CLASP1: variants seen among roughly 807,000 people sequenced by gnomAD.
CLASP1 encodes CLIP-associating protein 1.
CLASP1 carries 38 observed loss-of-function variants against 192.3 expected under a neutral mutation model. The ratio of observed to expected loss-of-function variants is 0.20; its 90% confidence interval spans 0.15 to 0.26. The LOEUF (loss-of-function observed/expected upper bound fraction) is 0.26. Ranked by LOEUF, CLASP1 falls within the 10% of genes least tolerant of loss-of-function variation. CLASP1 has a pLI of 1.00. For missense variants in CLASP1, 1,433 were observed against 1,932.5 expected, an observed-to-expected ratio of 0.74 and a Z score of 4.85; for synonymous variants, 691 against 712.8, an observed-to-expected ratio of 0.97 and a Z score of 0.49.
At chr2:121,505,832 T>C (rs547191288) in intron 7 of CLASP1, among the ~76,000 whole-genome samples, 2 of 152,234 alleles carry the variant, frequency 1.3e-5, no homozygotes, top group African/African-American at 4.8e-5. Flanking sequence ...TAAGATTTAG[T>C]TCAAATTAGT....
chr2:121,559,968 A>G (rs1033194674), intron 2 of CLASP1, among the ~76,000 whole-genome samples: 4 of 152,208 alleles, frequency 2.6e-5, no homozygotes, highest in African/African-American at 9.6e-5. Context: ...AAAAGACATT[A>G]GTGGAAACAC....
intron 3 of CLASP1, among the ~76,000 whole-genome samples, chr2:121,529,512 A>G (rs961857446): frequency 5.3e-5 from 8 of 152,242 alleles, no homozygotes; most frequent in Admixed American, 2.6e-4. Context: ...TTAACAGTAA[A>G]GAATACATGT....
intron 1 of CLASP1, among the ~76,000 whole-genome samples, chr2:121,624,159 T>TA (rs1479586870): frequency 6.6e-6 from 1 of 152,202 alleles, no homozygotes; most frequent in East Asian, 1.9e-4. Context: ...ATTTTATTTA[T>TA]TATATTCCTT....
At chr2:121,487,554 G>C (rs563228047) in intron 8 of CLASP1, among the ~76,000 whole-genome samples, 4 of 152,248 alleles carry the variant, frequency 2.6e-5, no homozygotes, top group African/African-American at 9.6e-5. Context: ...GGTTGTGACA[G>C]TTTCTCAGAC....
intron 8 of CLASP1, among the ~76,000 whole-genome samples, chr2:121,489,859 T>C (rs1308985401): frequency 6.6e-6 from 1 of 152,232 alleles, no homozygotes; most frequent in Non-Finnish European, 1.5e-5. Flanking sequence ...TTTTCCTCTA[T>C]ACCTACTGGG....
At chr2:121,487,156 C>G (rs1014865651) in intron 8 of CLASP1, among the ~76,000 whole-genome samples, 19 of 152,152 alleles carry the variant, frequency 1.2e-4, no homozygotes, top group African/African-American at 4.3e-4. Context: ...TCCCCACCCA[C>G]TGCCCTAAAT....
chr2:121,483,351 A>C (rs2092730866), intron 8 of CLASP1, among the ~76,000 whole-genome samples: 1 of 152,174 alleles, frequency 6.6e-6, no homozygotes, highest in Admixed American at 6.5e-5. Context: ...GAAAAGAATT[A>C]ACCATTGTAG....
chr2:121,504,468 A>G (rs1356081834), intron 7 of CLASP1, among the ~76,000 whole-genome samples: 1 of 152,200 alleles, frequency 6.6e-6, no homozygotes, highest in Non-Finnish European at 1.5e-5. Context: ...TATTTGTACC[A>G]AACACTATGT....
chr2:121,373,283 C>G (rs893813543), intron 34 of CLASP1, among the ~76,000 whole-genome samples: 8 of 152,176 alleles, frequency 5.3e-5, no homozygotes, highest in African/African-American at 9.7e-5. Flanking sequence ...GCCTTTCTGC[C>G]ATGATTGTAA....
chr2:121,528,937 T>C (rs1182767184), intron 3 of CLASP1, among the ~76,000 whole-genome samples, 157 bp from the exon 4 acceptor site: 1 of 152,228 alleles, frequency 6.6e-6, no homozygotes, highest in African/African-American at 2.4e-5. Context: ...TCTACTCTCC[T>C]TGCTGAAGTC....
intron 1 of CLASP1, among the ~76,000 whole-genome samples, chr2:121,625,312 C>A (rs2068099415): frequency 6.6e-6 from 1 of 151,348 alleles, no homozygotes; most frequent in Non-Finnish European, 1.5e-5. Context: ...AGTCTCCCTT[C>A]AAAAATAAAA....
intron 28 of CLASP1, among the ~76,000 whole-genome samples, chr2:121,400,278 AAAAAC>A (rs1205920571): frequency 2.0e-5 from 3 of 152,184 alleles, no homozygotes; most frequent in Non-Finnish European, 4.4e-5. Context: ...TGAGTTCATT[AAAAAC>A]CAGAAGGGTA....
chr2:121,630,381 A>AACACACACAC lies in CLASP1; in HGVS notation c.-286+18981_-286+18990dup, dbSNP rs60827939. ...TTGGTAGATCACCATATTGGAAAGA[A>AACACACACAC]ACACACACACACACACACACACACA... On this transcript the variant is annotated intron_variant, in intron 1 of 39. Coordinates refer to ENST00000263710, the Ensembl canonical transcript of CLASP1. Among the ~76,000 whole-genome samples the AACACACACAC allele has an allele frequency of 2.0e-3, 279 of 139,062 alleles. 3 individuals are homozygous for AACACACACAC. Among genetic ancestry groups the AACACACACAC allele is most frequent in the African/African-American group, 6.2e-3 (231 of 37,346 alleles). The allele number at this position is 139,062 out of a possible 152,430, so 91.2% of individuals were successfully genotyped here.
At chr2:121,513,690 T>C (rs1332161058) in intron 7 of CLASP1, among the ~76,000 whole-genome samples, 1 of 152,186 alleles carries the variant, frequency 6.6e-6, no homozygotes, top group African/African-American at 2.4e-5. Flanking sequence ...AGGAGAAAGA[T>C]GCATGGGGTG....
intron 2 of CLASP1, among the ~76,000 whole-genome samples, chr2:121,549,994 C>T (rs1191411690): frequency 7.7e-6 from 1 of 129,920 alleles, no homozygotes; most frequent in Non-Finnish European, 1.6e-5. Context: ...TGACAGAGCA[C>T]GACTCCGTCT....
chr2:121,459,906 G>A, intron 12 of CLASP1, 74 bp downstream of exon 12: 2 of 1,413,346 alleles, frequency 1.4e-6, no homozygotes, highest in Non-Finnish European at 1.9e-6. Flanking sequence ...CAGCTCACAT[G>A]TTCAAGGAGA....
At chr2:121,382,348 T>A in intron 32 of CLASP1, 24 bp from the exon 34 acceptor site, 1 of 1,447,102 alleles carries the variant, frequency 6.9e-7, no homozygotes, top group South Asian at 1.4e-5. Context: ...AAGAGGAAAA[T>A]CAGAGAGAGA....
chr2:121,543,351 A>G (rs1403731981), intron 2 of CLASP1, among the ~76,000 whole-genome samples: 1 of 152,160 alleles, frequency 6.6e-6, no homozygotes, highest in African/African-American at 2.4e-5. Flanking sequence ...AAGGAGACCA[A>G]ACAAAACATA....
intron 23 of CLASP1, among the ~76,000 whole-genome samples, 136 bp from the exon 24 acceptor site, chr2:121,414,339 A>G (rs1181613038): frequency 6.6e-6 from 1 of 152,228 alleles, no homozygotes; most frequent in East Asian, 1.9e-4. Context: ...ATGGTGCTGG[A>G]TATGAATGGA....
Sources: gnomAD v4.1 joint callset for allele counts (sites outside exome capture counted in the v4.1 genomes callset) on GRCh38, gnomAD v4.1.1 for gene constraint, MANE v1.5 for transcripts, NCBI Gene and HGNC (gene_info 2026-07-23, HGNC 2026-07-21) for gene names.